CAPRIN2: variants seen among roughly 807,000 people sequenced by gnomAD.
CAPRIN2 encodes caprin-2.
A neutral mutation model predicts 130.4 loss-of-function variants in CAPRIN2; 66 were observed. The observed-to-expected ratio is 0.51, with a 90% CI of 0.42 to 0.62. The LOEUF is 0.62. Ranked by LOEUF, CAPRIN2 falls within the 20% of genes least tolerant of loss-of-function variation. CAPRIN2 has a pLI of 0.00. For synonymous variants in CAPRIN2, 471 were observed against 444.1 expected (o/e 1.06, Z -0.76); for missense variants, 1,185 against 1,246.6 (o/e 0.95, Z 0.74).
intron 9 of CAPRIN2, 103 bp downstream of exon 10, chr12:30,725,863 G>A (rs2137470706): frequency 9.8e-7 from 1 of 1,021,852 alleles, no homozygotes; most frequent in South Asian, 3.5e-5. Flanking sequence ...AGGCAGCAGA[G>A]CCAGGACTTG....
chr12:30,752,138 T>G (rs1347358410), intron 1 of CAPRIN2, among the ~76,000 whole-genome samples: 1 of 151,924 alleles, frequency 6.6e-6, no homozygotes, highest in Non-Finnish European at 1.5e-5. Context: ...GCCAGGCTAG[T>G]CTCAAACTCC....
chr12:30,728,542 G>A (rs2030995812), intron 8 of CAPRIN2, 106 bp downstream of exon 9: 9 of 870,940 alleles, frequency 1.0e-5, no homozygotes, highest in Non-Finnish European at 1.5e-5. Flanking sequence ...GTAACAGAGT[G>A]TTTCTCCATC....
intron 2 of CAPRIN2, among the ~76,000 whole-genome samples, chr12:30,745,426 G>C (rs1215929832): frequency 6.6e-6 from 1 of 152,046 alleles, no homozygotes; most frequent in African/African-American, 2.4e-5. Context: ...AGAAACCTAT[G>C]CTACCAATTT....
intron 2 of CAPRIN2, among the ~76,000 whole-genome samples, chr12:30,750,727 C>T (rs1476919751): frequency 6.6e-6 from 1 of 152,170 alleles, no homozygotes; most frequent in Admixed American, 6.5e-5. Context: ...TTAGAATATA[C>T]CAGTGAAGAG....
At chr12:30,711,442 A>G in intron 16 of CAPRIN2, 124 bp downstream of exon 18, 1 of 760,984 alleles carries the variant, frequency 1.3e-6, no homozygotes, top group Non-Finnish European at 2.2e-6. Flanking sequence ...CATTCAAGCA[A>G]ATTGAAAACC....
chr12:30,714,896 T>G, intron 14 of CAPRIN2, 63 bp downstream of exon 16: 1 of 1,350,098 alleles, frequency 7.4e-7, no homozygotes, highest in Non-Finnish European at 1.0e-6. Flanking sequence ...GTAAAAATGG[T>G]GTGAGTCAAG....
At chr12:30,723,935 T>C (rs1466723623) in intron 10 of CAPRIN2, among the ~76,000 whole-genome samples, 1 of 152,234 alleles carries the variant, frequency 6.6e-6, no homozygotes, top group Non-Finnish European at 1.5e-5. Context: ...GCCCAAGCTT[T>C]GAAGCATCAG....
Position 30,731,574 on chromosome 12 carries a change from A to G in CAPRIN2, c.893-64T>C. On this transcript the variant is annotated intron_variant, in intron 5 of 16. Transcript: ENST00000298892. ...TAATTGAAAATTACTGGGAATAGAAATCCTAATTTTATCCTAGTTGTAGTA... is the reference window on the plus strand; with the variant it reads ...TAATTGAAAATTACTGGGAATAGAAGTCCTAATTTTATCCTAGTTGTAGTA... The G allele has an allele frequency of 2.2e-6, 3 of 1,335,980 alleles. No homozygotes were observed. The South Asian group carries it at 3.8e-5, about 17-fold the overall frequency. The allele number at this position is 1,335,980 out of a possible 1,614,324, so 82.8% of individuals were successfully genotyped here. A position where few individuals can be genotyped will look rare whatever the true frequency, so the allele number is the denominator to read the frequency against.
At chr12:30,725,738 AT>A (rs200168546) in intron 9 of CAPRIN2, among the ~76,000 whole-genome samples, 1,694 of 151,184 alleles carry the variant, frequency 0.011, 34 homozygotes, top group East Asian at 0.092. Flanking sequence ...TGCTTAATTC[AT>A]TTTTTTTTGT....
chr12:30,739,147 T>G (rs1165384484), intron 3 of CAPRIN2, among the ~76,000 whole-genome samples: 4 of 152,124 alleles, frequency 2.6e-5, no homozygotes, highest in African/African-American at 7.2e-5. Flanking sequence ...AGACATGGAA[T>G]CAATCTAAAT....
intron 14 of CAPRIN2, among the ~76,000 whole-genome samples, chr12:30,714,586 T>C (rs1440948166): frequency 6.6e-6 from 1 of 152,328 alleles, no homozygotes; most frequent in East Asian, 1.9e-4. Flanking sequence ...TCTATATTCT[T>C]CTTTGTGACA....
chr12:30,748,869 A>G (rs2072145372), intron 2 of CAPRIN2, among the ~76,000 whole-genome samples: 2 of 152,234 alleles, frequency 1.3e-5, no homozygotes, highest in South Asian at 2.1e-4. Context: ...CGCACTAGGA[A>G]TACAGCAATG....
intron 1 of CAPRIN2, among the ~76,000 whole-genome samples, chr12:30,752,774 C>A (rs1412719167): frequency 2.3e-5 from 1 of 43,998 alleles, no homozygotes; most frequent in South Asian, 4.5e-4. Flanking sequence ...GTTTCACAGG[C>A]TACATGACTC....
chr12:30,740,624 T>C (rs573865125), intron 3 of CAPRIN2, among the ~76,000 whole-genome samples: 1 of 152,324 alleles, frequency 6.6e-6, no homozygotes, highest in Admixed American at 6.5e-5. Context: ...ACCAACTCTG[T>C]TGTCTCATAT....
At chr12:30,732,838 C>T (rs2063193587) in intron 5 of CAPRIN2, among the ~76,000 whole-genome samples, 1 of 151,998 alleles carries the variant, frequency 6.6e-6, no homozygotes, top group Non-Finnish European at 1.5e-5. Context: ...TATATGAACA[C>T]GTCTTCATTT....
chr12:30,725,565 T>C (rs568656718), intron 9 of CAPRIN2, among the ~76,000 whole-genome samples: 1 of 152,350 alleles, frequency 6.6e-6, no homozygotes, highest in East Asian at 1.9e-4. Flanking sequence ...TTTACAATCT[T>C]CTACAACTGG....
intron 7 of CAPRIN2, among the ~76,000 whole-genome samples, chr12:30,729,795 A>C (rs1376911378): frequency 6.6e-6 from 1 of 152,192 alleles, no homozygotes; most frequent in Non-Finnish European, 1.5e-5. Flanking sequence ...ACTGTTTTTG[A>C]ATCTCCCATT....
chr12:30,749,589 T>G (rs2072631918), intron 2 of CAPRIN2, among the ~76,000 whole-genome samples: 1 of 152,196 alleles, frequency 6.6e-6, no homozygotes, highest in Non-Finnish European at 1.5e-5. Flanking sequence ...ATGTGAGCTA[T>G]GAGGAGAAAG....
chr12:30,730,185 C>G (rs2062169483), intron 7 of CAPRIN2, 54 bp downstream of exon 8: 24 of 1,410,460 alleles, frequency 1.7e-5, no homozygotes, highest in Non-Finnish European at 2.4e-5. Context: ...CAACCATAAC[C>G]CTATGCAAAA....
Sources: gnomAD v4.1 joint callset for allele counts (sites outside exome capture counted in the v4.1 genomes callset) on GRCh38, gnomAD v4.1.1 for gene constraint, MANE v1.5 for transcripts, NCBI Gene and HGNC (gene_info 2026-07-23, HGNC 2026-07-21) for gene names.